Variants in DYSF observed in about 807,000 individuals in gnomAD.
The protein encoded by DYSF is dysferlin, also known as dystrophy-associated fer-1-like 1.
Under a neutral mutation model 274.9 loss-of-function variants are expected in DYSF, and 212 were observed. The ratio of observed to expected loss-of-function variants is 0.77; its 90% confidence interval spans 0.69 to 0.86. DYSF has a LOEUF of 0.86. Ranked by LOEUF, DYSF falls within the 40% of genes least tolerant of loss-of-function variation. DYSF has a pLI of 0.00. For synonymous variants in DYSF, 1,091 were observed against 1,078.7 expected (o/e 1.01, Z -0.22); for missense variants, 2,666 against 2,783.2 (o/e 0.96, Z 0.95).
chr2:71,530,177 T>G (rs978041673), intron 14 of DYSF, among the ~76,000 whole-genome samples: 4 of 152,176 alleles, frequency 2.6e-5, no homozygotes, highest in African/African-American at 4.8e-5. Flanking sequence ...GACAGCTGCT[T>G]GAAGGTAGGA....
At chr2:71,462,666 C>G (rs1033072472), upstream of DYSF, among the ~76,000 whole-genome samples, 7 of 152,178 alleles carry the variant, frequency 4.6e-5, no homozygotes, top group Non-Finnish European at 1.0e-4. Flanking sequence ...TCTCAGGAAA[C>G]CCGAAGTGGG....
intron 3 of DYSF, among the ~76,000 whole-genome samples, chr2:71,487,934 T>G (rs955598084): frequency 6.6e-6 from 1 of 152,192 alleles, no homozygotes; most frequent in African/African-American, 2.4e-5. Flanking sequence ...CACCATCAAG[T>G]AATAATGGCT....
chr2:71,547,362 A>G (rs973524857), intron 17 of DYSF, among the ~76,000 whole-genome samples: 10 of 152,224 alleles, frequency 6.6e-5, no homozygotes, highest in Admixed American at 6.5e-4. Context: ...GAATGGGTGA[A>G]TTAGGTTGGG....
At chr2:71,624,961 A>C (rs370380875) in intron 41 of DYSF, among the ~76,000 whole-genome samples, 1 of 152,172 alleles carries the variant, frequency 6.6e-6, no homozygotes, top group Non-Finnish European at 1.5e-5. Flanking sequence ...AAATTTGTAC[A>C]TATTACTATA....
chr2:71,601,399 A>G (rs773955611), intron 34 of DYSF, 100 bp from the exon 35 acceptor site: 28 of 1,509,192 alleles, frequency 1.9e-5, no homozygotes, highest in Non-Finnish European at 2.5e-5. Context: ...GCTGCAAACC[A>G]TGGACTGTCT....
intron 41 of DYSF, among the ~76,000 whole-genome samples, chr2:71,630,686 G>GGA (rs2094298544): frequency 6.6e-6 from 1 of 152,220 alleles, no homozygotes; most frequent in African/African-American, 2.4e-5. Context: ...ATCAGAATGA[G>GGA]GAGAGAGAGT....
chr2:71,615,441 T>C lies in DYSF; in HGVS notation c.4464+2031T>C, dbSNP rs931239801. On this transcript the variant is annotated intron_variant, in intron 40 of 55. Transcript: ENST00000410020. The surrounding 1 kb of genome is among the most constrained non-coding windows in gnomAD (Gnocchi z 4.9). ...TGGACCTTGCCCTCATGGAGCTCCC[T>C]GTCTGATGAAAGAGACAAAACTCTG... 6.6e-6 allele frequency among the ~76,000 whole-genome samples: 1 copy of C among 152,152 alleles called. No homozygotes were observed. Among genetic ancestry groups the C allele is most frequent in the Non-Finnish European group, 1.5e-5 (1 of 67,996 alleles).
intron 7 of DYSF, 54 bp downstream of exon 7, chr2:71,513,975 G>T: frequency 6.2e-7 from 1 of 1,605,984 alleles, no homozygotes; most frequent in Non-Finnish European, 8.5e-7. Context: ...TCAGCTGCGG[G>T]TGCCAGGCAC....
chr2:71,587,519 C>T (rs970054320), intron 30 of DYSF, among the ~76,000 whole-genome samples: 2 of 152,234 alleles, frequency 1.3e-5, no homozygotes, highest in Admixed American at 6.5e-5. Context: ...AGCCCTGTGC[C>T]TTCCCTCGTA....
chr2:71,682,779 C>A, intron 55 of DYSF, 102 bp downstream of exon 55: 3 of 1,495,804 alleles, frequency 2.0e-6, no homozygotes, highest in Non-Finnish European at 2.7e-6. Flanking sequence ...AGAGAAGTAA[C>A]CTCTGTCCTT....
intron 41 of DYSF, among the ~76,000 whole-genome samples, chr2:71,633,154 G>A (rs115383581): frequency 0.012 from 1,813 of 152,274 alleles, 29 homozygotes; most frequent in African/African-American, 0.041. Context: ...AGTGTGTGGA[G>A]TTCTGCTGAA....
intron 4 of DYSF, among the ~76,000 whole-genome samples, chr2:71,509,858 C>G (rs1180723850): frequency 6.6e-6 from 1 of 152,020 alleles, no homozygotes; most frequent in Non-Finnish European, 1.5e-5. Flanking sequence ...TCATTGCGAC[C>G]TCTGCCGCCA....
intron 31 of DYSF, 34 bp downstream of exon 31, chr2:71,589,720 A>G (rs199676065): frequency 7.6e-6 from 12 of 1,570,164 alleles, no homozygotes; most frequent in Non-Finnish European, 1.1e-5. Context: ...ATGGGGTGAT[A>G]AGGGTGTGTC....
intron 8 of DYSF, among the ~76,000 whole-genome samples, 167 bp downstream of exon 8, chr2:71,515,918 C>T (rs1474309688): frequency 1.3e-5 from 2 of 152,160 alleles, no homozygotes; most frequent in African/African-American, 2.4e-5. Context: ...GGAGAAAGGG[C>T]TCCTGCTCTT....
rs1490030974 is a variant in DYSF, at chr2:71,613,766, C to G, written c.4464+356C>G. Among the ~76,000 whole-genome samples, 7 of 152,162 alleles carry G rather than the reference C, an allele frequency of 4.6e-5. No homozygotes were observed. In the East Asian group the frequency reaches 1.4e-3, roughly 30 times the overall value. On this transcript the variant is annotated intron_variant, in intron 40 of 55. Transcript: ENST00000410020. Reference sequence around the variant, plus strand: ...ACAGGGGAGGGAGTGAGTGGGCCATCTCTGGGGTCCTCCAGCCCCATCTCC... The same window carrying G: ...ACAGGGGAGGGAGTGAGTGGGCCATGTCTGGGGTCCTCCAGCCCCATCTCC...
upstream of DYSF, among the ~76,000 whole-genome samples, chr2:71,465,245 C>T (rs2081456056): frequency 6.6e-6 from 1 of 152,066 alleles, no homozygotes; most frequent in African/African-American, 2.4e-5. Context: ...GGGGTCTATG[C>T]CCAAGTGTCC....
chr2:71,668,818 A>C lies in DYSF; in HGVS notation c.5522A>C (p.Asn1841Thr), dbSNP rs372204057. Reference protein sequence around the residue: ...KALGRPGPPFNITPRRARRFF... With the variant: ...KALGRPGPPFTITPRRARRFF... ...CTGGGGCGGCCTGGACCTCCCTTCA[A>C]CATCACCCCACGGAGAGCCAGAAGG... The change falls in exon 49 of 56, where the codon AAC becomes ACC. Residue 1841 changes from asparagine (N) to threonine (T), a missense_variant. Physicochemically the swap from Asn to Thr is moderately conservative, Grantham distance 65. Transcript: ENST00000410020. 1 of 1,613,732 alleles carries C rather than the reference A, an allele frequency of 6.2e-7. No homozygotes were observed. The highest frequency in any genetic ancestry group is 2.2e-5 in the East Asian group (1 of 44,842).
chr2:71,453,886 C>A, exon 1 of DYSF: 2 of 1,081,040 alleles, frequency 1.9e-6, no homozygotes, highest in Non-Finnish European at 1.4e-6. Context: ...TCGAGCCGGC[C>A]TCGCCCAGCC....
At chr2:71,600,144 A>G (rs2093514265) in intron 33 of DYSF, among the ~76,000 whole-genome samples, 1 of 152,204 alleles carries the variant, frequency 6.6e-6, no homozygotes, top group African/African-American at 2.4e-5. Flanking sequence ...CCCTGCATCC[A>G]GTGTGACAGA....
Sources: allele counts gnomAD v4.1 joint callset (sites outside exome capture counted in the v4.1 genomes callset), GRCh38; gene constraint gnomAD v4.1.1; non-coding constraint Gnocchi (gnomAD v3.1); transcripts MANE v1.5; gene names NCBI Gene and HGNC (gene_info 2026-07-23, HGNC 2026-07-21).